The following MSH6 variants were observed in gnomAD, a reference collection of about 807,000 sequenced individuals.
The protein encoded by MSH6 is mutS homolog 6, also known as DNA mismatch repair protein Msh6.
A neutral mutation model predicts 119.1 loss-of-function variants in MSH6; 85 were observed. The ratio of observed to expected loss-of-function variants is 0.71; its 90% CI spans 0.60 to 0.85. The LOEUF (loss-of-function observed/expected upper bound fraction) is 0.85. MSH6 is among the 40% of genes least tolerant of loss of function. MSH6 has a pLI of 0.00. For synonymous variants in MSH6, 830 were observed against 586.9 expected (o/e 1.41, Z -5.99); for missense variants, 2,163 against 1,655.3 (o/e 1.31, Z -5.32).
chr2:47,795,770 A>G, intron 2 of MSH6, 124 bp from the exon 3 acceptor site: 1 of 820,360 alleles, frequency 1.2e-6, no homozygotes, highest in South Asian at 1.5e-5. Flanking sequence ...CACACCTGGC[A>G]TATATATATT....
chr2:47,807,604 A>C, downstream of MSH6: 1 of 219,032 alleles, frequency 4.6e-6, no homozygotes, highest in Non-Finnish European at 9.2e-6. Flanking sequence ...TTTTGCTTGA[A>C]ATTAAAAACA....
Position 47,799,544 on chromosome 2 carries a change from A to T in MSH6, c.1561A>T (p.Thr521Ser), listed in dbSNP as rs587779916. The T allele has an allele frequency of 1.2e-6, 2 of 1,614,224 alleles. No homozygotes were observed. The highest frequency in any genetic ancestry group is 1.7e-6 in the Non-Finnish European group (2 of 1,180,022). Reference protein sequence around the residue: ...REICRIITKGTQTYSVLEGDP... With the variant: ...REICRIITKGSQTYSVLEGDP... The stretch of plus-strand genomic sequence containing the variant: ...GATCTGTAGGATCATTACCAAGGGT[A>T]CACAGACTTACAGTGTGCTGGAAGG... The change falls in exon 4 of 10, where the codon ACA (threonine) becomes TCA (serine). Residue 521 changes from threonine to serine, a missense_variant. Physicochemically the swap from Thr to Ser is moderately conservative, Grantham distance 58. Coordinates refer to ENST00000234420, the MANE Select transcript of MSH6 (RefSeq NM_000179.3).
In MSH6 at chr2:47,798,950, A is replaced by C; in HGVS notation, c.967A>C (p.Thr323Pro). 1 of 1,614,234 alleles carries C rather than the reference A, an allele frequency of 6.2e-7. No individual in the cohort carries two copies. The highest frequency in any genetic ancestry group is 8.5e-7 in the Non-Finnish European group (1 of 1,180,040). The change falls in exon 4 of 10, where the codon ACC (threonine) becomes CCC (proline). Residue 323 changes from threonine (T) to proline (P), a missense_variant. Thr to Pro is a conservative substitution (Grantham distance 38). Transcript: ENST00000234420. The part of the protein sequence containing the change: ...KSSRKETPSA[T>P]KQATSISSET... ...CTCTAGGAAGGAAACGCCCTCAGCCACCAAACAAGCAACTAGCATTTCATC... is the reference window on the plus strand; with the variant it reads ...CTCTAGGAAGGAAACGCCCTCAGCCCCCAAACAAGCAACTAGCATTTCATC...
chr2:47,783,558 G>A (rs1382309495), intron 1 of MSH6, 65 bp downstream of exon 1: 1 of 1,387,046 alleles, frequency 7.2e-7, no homozygotes, highest in Non-Finnish European at 9.4e-7. Flanking sequence ...ACCCGGCGAG[G>A]GGAGGCTCGC....
In MSH6 at chr2:47,799,243, C is replaced by G. The variant is rs1114167752; in HGVS notation, c.1260C>G (p.Asn420Lys). 6.2e-7 allele frequency: 1 copy of G among 1,614,126 alleles called. No individual in the cohort carries two copies. Among genetic ancestry groups the G allele is most frequent in the Non-Finnish European group, 8.5e-7 (1 of 1,180,020 alleles). ...MRKWWQIKSQ[N>K]FDLVICYKVG... ...AGTGGTGGCAGATTAAGTCTCAGAA[C>G]TTTGATCTTGTCATCTGTTACAAGG... Residue 420 changes from asparagine (N) to lysine (K), a missense_variant, in exon 4 of 10, where the codon AAC becomes AAG. Physicochemically the swap from Asn to Lys is moderately conservative, Grantham distance 94. Transcript: ENST00000234420.
At chr2:47,801,360 A>ATTTTTTTTTTTT (rs1220786181) in intron 4 of MSH6, 28 of 58,354 alleles carry the variant, frequency 4.8e-4, no homozygotes, top group Middle Eastern at 5.9e-3. Context: ...GCCTTTCTTC[A>ATTTTTTTTTTTT]GTTTTTTTTT....
chr2:47,806,416 C>T (rs2104549354), intron 8 of MSH6, 36 bp from the exon 9 acceptor site: 1 of 1,607,224 alleles, frequency 6.2e-7, no homozygotes, highest in Non-Finnish European at 8.5e-7. Flanking sequence ...ACTTCTCTTG[C>T]TAGCACATGT....
intron 7 of MSH6, 151 bp from the exon 8 acceptor site, chr2:47,806,053 C>A: frequency 1.3e-6 from 1 of 782,018 alleles, no homozygotes; most frequent in Non-Finnish European, 2.2e-6. Context: ...GCTAAGCAGA[C>A]TCGTGTAGCT....
At chr2:47,801,287 T>G in intron 4 of MSH6, 132 bp downstream of exon 4, 1 of 907,346 alleles carries the variant, frequency 1.1e-6, no homozygotes, top group East Asian at 2.8e-5. Flanking sequence ...ATTTGCATCC[T>G]GACTAGGCTG....
At chr2:47,788,564 CTTTTTCT>C (rs1259876176) in intron 1 of MSH6, among the ~76,000 whole-genome samples, 8 of 121,948 alleles carry the variant, frequency 6.6e-5, no homozygotes, top group Non-Finnish European at 8.7e-5. Flanking sequence ...TTTTCTTTTT[CTTTTTCT>C]TTTTTTTTTT....
rs730881789 is a variant in MSH6, at chr2:47,799,134, G to A, written c.1151G>A (p.Arg384Lys). ...KEEKRRDEHRRRPDHPDFDAS... is the reference protein window; with the variant it reads ...KEEKRRDEHRKRPDHPDFDAS... ...GAAAAGAGAAGAGATGAGCACAGGA[G>A]GAGGCCTGATCACCCCGATTTTGAT... Residue 384 changes from arginine (R) to lysine (K), a missense_variant, in exon 4 of 10, where the codon AGG becomes AAG. Transcript: ENST00000234420. The A allele has an allele frequency of 1.2e-6, 2 of 1,614,034 alleles. No individual in the cohort carries two copies. The highest frequency in any genetic ancestry group is 1.7e-5 in the Admixed American group (1 of 59,998).
chr2:47,784,375 A>C, intron 1 of MSH6: 1 of 469,382 alleles, frequency 2.1e-6, no homozygotes, highest in African/African-American at 2.1e-5. Context: ...AGAGGCCTTA[A>C]TCGGGCGCTG....
chr2:47,795,260 G>A (rs1669000557), intron 2 of MSH6, among the ~76,000 whole-genome samples: 1 of 152,174 alleles, frequency 6.6e-6, no homozygotes, highest in Non-Finnish European at 1.5e-5. Context: ...GGTGATTTTA[G>A]TTTCACCAGT....
At chr2:47,793,675 C>T (rs1668895612) in intron 2 of MSH6, among the ~76,000 whole-genome samples, 1 of 150,798 alleles carries the variant, frequency 6.6e-6, no homozygotes, top group Non-Finnish European at 1.5e-5. Context: ...CTCATTGAAC[C>T]AGATGATATA....
At chr2:47,797,010 AATTG>A (rs1181622042) in intron 3 of MSH6, among the ~76,000 whole-genome samples, 1 of 152,174 alleles carries the variant, frequency 6.6e-6, no homozygotes, top group African/African-American at 2.4e-5. Flanking sequence ...AAGTGAAAAA[AATTG>A]ATTAATTTAG....
downstream of MSH6, chr2:47,809,930 C>A: frequency 1.3e-5 from 7 of 526,334 alleles, no homozygotes. Context: ...ACCTAACTGT[C>A]TTAAAGTTTA....
In MSH6 at chr2:47,799,671, C is replaced by G. The variant is rs1386014501; in HGVS notation, c.1688C>G (p.Thr563Ser). The part of the protein sequence containing the change: ...TRAYGVCFVD[T>S]SLGKFFIGQF... ...GCATATGGTGTGTGCTTTGTTGATA[C>G]TTCACTGGGAAAGTTTTTCATAGGT... Residue 563 changes from threonine (T) to serine (S), a missense_variant, in exon 4 of 10, where the codon ACT becomes AGT. Coordinates refer to ENST00000234420, the MANE Select transcript of MSH6 (RefSeq NM_000179.3). 3 of 1,614,164 alleles carry G rather than the reference C, an allele frequency of 1.9e-6. No individual in the cohort carries two copies. Among genetic ancestry groups the G allele is most frequent in the Admixed American group, 3.3e-5 (2 of 60,012 alleles).
Position 47,800,004 on chromosome 2 carries a change from G to C in MSH6, c.2021G>C (p.Gly674Ala), listed in dbSNP as rs1064795598. The change falls in exon 4 of 10, where the codon GGA becomes GCA. Residue 674 changes from glycine (G) to alanine (A), a missense_variant. Transcript: ENST00000234420. ...TCTGATTCCATTGGGTTGACACCAG[G>C]AGAGAAAAGTGAATTGGCCCTCTCT... ...SESDSIGLTP[G>A]EKSELALSAL... 2 of 1,614,054 alleles carry C rather than the reference G, an allele frequency of 1.2e-6. No homozygotes were observed. The highest frequency in any genetic ancestry group is 1.1e-5 in the South Asian group (1 of 91,058).
chr2:47,807,888 C>T, downstream of MSH6: 1 of 410,142 alleles, frequency 2.4e-6, no homozygotes, highest in Non-Finnish European at 4.4e-6. Flanking sequence ...CACTTCTGTC[C>T]CTTCAAGTCT....
Sources: gnomAD v4.1 joint callset for allele counts (sites outside exome capture counted in the v4.1 genomes callset) on GRCh38, gnomAD v4.1.1 for gene constraint, MANE v1.5 for transcripts, NCBI Gene and HGNC (gene_info 2026-07-23, HGNC 2026-07-21) for gene names.